Variants in GRIA3 observed in about 807,000 individuals in gnomAD.
The protein encoded by GRIA3 is glutamate receptor 3.
GRIA3 carries 3 observed loss-of-function variants against 63.0 expected under a neutral mutation model. The observed-to-expected ratio is 0.05, with a 90% confidence interval of 0.02 to 0.12. The LOEUF is 0.12. Among genes scored for constraint, GRIA3 ranks in the 10% least tolerant of loss-of-function variants. The pLI is 1.00. For synonymous variants in GRIA3, 274 were observed against 257.9 expected, an observed-to-expected ratio of 1.06 and a Z score of -0.60; for missense variants, 347 against 700.9, an observed-to-expected ratio of 0.50 and a Z score of 5.70.
intron 3 of GRIA3, among the ~76,000 whole-genome samples, chrX:123,284,011 C>A (rs1429243460): frequency 2.7e-5 from 3 of 112,698 alleles, no homozygotes; most frequent in Non-Finnish European, 5.6e-5. Flanking sequence ...CAGCTGGCAT[C>A]TGGCAGGTGG....
At chrX:123,344,594 C>A (rs1008302075) in intron 4 of GRIA3, among the ~76,000 whole-genome samples, 1 of 111,874 alleles carries the variant, frequency 8.9e-6, no homozygotes, top group Non-Finnish European at 1.9e-5. Context: ...ACTAGTTCTT[C>A]ATAGAATCAC....
At chrX:123,363,872 T>G (rs2045193887) in intron 5 of GRIA3, among the ~76,000 whole-genome samples, 1 of 112,302 alleles carries the variant, frequency 8.9e-6, no homozygotes, top group Non-Finnish European at 1.9e-5. Context: ...AGCAGTCAAG[T>G]GTACAGAAAA....
chrX:123,254,208 T>C (rs889089636), intron 3 of GRIA3, among the ~76,000 whole-genome samples: 34 of 111,849 alleles, frequency 3.0e-4, no homozygotes, highest in Admixed American at 2.3e-3. Flanking sequence ...GCCATACCAC[T>C]CTAAATATGC....
chrX:123,420,462 G>A (rs1292878494), intron 11 of GRIA3, among the ~76,000 whole-genome samples: 1 of 110,805 alleles, frequency 9.0e-6, no homozygotes, highest in Admixed American at 9.7e-5. Context: ...TTATCTGGGA[G>A]TTTATTTTGC....
At chrX:123,214,733 G>A (rs1009603914) in intron 2 of GRIA3, among the ~76,000 whole-genome samples, 3 of 112,211 alleles carry the variant, frequency 2.7e-5, no homozygotes, top group Admixed American at 9.4e-5. Context: ...TTGAAGGAAA[G>A]AAATCAATTT....
chrX:123,333,633 T>C (rs916286634), intron 4 of GRIA3, among the ~76,000 whole-genome samples: 9 of 111,869 alleles, frequency 8.0e-5, no homozygotes, highest in African/African-American at 2.6e-4. Context: ...GAACTTATTT[T>C]TGCATACGAT....
Position 123,459,557 on chromosome X carries a change from T to C in GRIA3, c.2077-5308T>C, listed in dbSNP as rs776580746. Among the ~76,000 whole-genome samples, 10 of 112,382 alleles carry C rather than the reference T, an allele frequency of 8.9e-5. No individual in the cohort carries two copies. The South Asian group carries it at 3.6e-3, about 41-fold the overall frequency. The stretch of plus-strand genomic sequence containing the variant: ...AATCTGTTCCTTCTCCATTTATGTA[T>C]TTCTCCTTTGGATTTTGGTTGCTAA... On this transcript the variant is annotated intron_variant, in intron 12 of 15. Coordinates refer to ENST00000620443, the MANE Select transcript of GRIA3 (RefSeq NM_007325.5).
At chrX:123,271,815 T>C (rs2044525139) in intron 3 of GRIA3, among the ~76,000 whole-genome samples, 1 of 112,297 alleles carries the variant, frequency 8.9e-6, no homozygotes, top group African/African-American at 3.2e-5. Context: ...TAGTAAGTGG[T>C]GGAGCCAGTG....
chrX:123,261,721 A>G (rs774381235), intron 3 of GRIA3, among the ~76,000 whole-genome samples: 12 of 111,632 alleles, frequency 1.1e-4, no homozygotes, highest in Non-Finnish European at 3.8e-5. Flanking sequence ...TGTTTGCAAG[A>G]CAGCTGGTAA....
chrX:123,268,041 C>A (rs2044498344), intron 3 of GRIA3, among the ~76,000 whole-genome samples: 1 of 111,655 alleles, frequency 9.0e-6, no homozygotes, highest in South Asian at 3.8e-4. Context: ...ACTGATCTCA[C>A]AATGACCTGA....
intron 5 of GRIA3, among the ~76,000 whole-genome samples, chrX:123,363,708 T>A (rs1409373889): frequency 8.9e-6 from 1 of 112,634 alleles, no homozygotes; most frequent in Admixed American, 9.4e-5. Flanking sequence ...AAACATGCAC[T>A]GATCAAACAA....
chrX:123,192,197 T>A (rs1238168347), intron 2 of GRIA3, among the ~76,000 whole-genome samples: 2 of 111,502 alleles, frequency 1.8e-5, no homozygotes, highest in East Asian at 2.8e-4. Context: ...TGAATCTAAA[T>A]GCCTTTGGGG....
At chrX:123,452,042 G>A (rs746236535) in intron 12 of GRIA3, among the ~76,000 whole-genome samples, 22 of 111,867 alleles carry the variant, frequency 2.0e-4, no homozygotes, top group Middle Eastern at 4.6e-3. Context: ...TATAATGCAC[G>A]AAGCACCATT....
chrX:123,210,131 G>T (rs1928002164), intron 2 of GRIA3, among the ~76,000 whole-genome samples: 1 of 102,733 alleles, frequency 9.7e-6, no homozygotes, highest in African/African-American at 3.6e-5. Flanking sequence ...TCAAAAACAT[G>T]CTCAAAGCTC....
intron 2 of GRIA3, among the ~76,000 whole-genome samples, chrX:123,223,457 T>A (rs1271128767): frequency 8.9e-6 from 1 of 112,567 alleles, no homozygotes; most frequent in Non-Finnish European, 1.9e-5. Flanking sequence ...AGAGCAGACA[T>A]GCCAAGGATT....
At chrX:123,259,829 T>C (rs2044441102) in intron 3 of GRIA3, among the ~76,000 whole-genome samples, 1 of 111,755 alleles carries the variant, frequency 8.9e-6, no homozygotes, top group Admixed American at 9.5e-5. Context: ...ACATACTGCC[T>C]CCTACATTCT....
At chrX:123,405,985 G>A (rs2045471808) in intron 10 of GRIA3, among the ~76,000 whole-genome samples, 1 of 112,449 alleles carries the variant, frequency 8.9e-6, no homozygotes, top group Non-Finnish European at 1.9e-5. Context: ...GAACAGAATG[G>A]CTCTGCCAGG....
At chrX:123,294,922 T>G (rs373268775) in intron 3 of GRIA3, among the ~76,000 whole-genome samples, 18 of 112,133 alleles carry the variant, frequency 1.6e-4, no homozygotes, top group African/African-American at 5.8e-4. Context: ...TTTTAATTTT[T>G]TGTTGTTTTA....
At chrX:123,195,155 C>A (rs765423362) in intron 2 of GRIA3, among the ~76,000 whole-genome samples, 1 of 113,054 alleles carries the variant, frequency 8.8e-6, no homozygotes, top group Admixed American at 9.3e-5. Flanking sequence ...GTTCATATAG[C>A]AATCACTGTG....
Sources: gnomAD v4.1 joint callset for allele counts (sites outside exome capture counted in the v4.1 genomes callset) on GRCh38, gnomAD v4.1.1 for gene constraint, MANE v1.5 for transcripts, NCBI Gene and HGNC (gene_info 2026-07-23, HGNC 2026-07-21) for gene names.